HEXB: variants seen among roughly 807,000 people sequenced by gnomAD.
HEXB encodes hexosaminidase subunit beta.
A neutral mutation model predicts 71.2 loss-of-function variants in HEXB; 51 were observed. The observed-to-expected ratio is 0.72, with a 90% confidence interval of 0.57 to 0.90. HEXB has a LOEUF of 0.90. Among genes scored for constraint, HEXB ranks in the 40% least tolerant of loss-of-function variants. The pLI is 0.00. For synonymous variants in HEXB, 266 were observed against 249.3 expected, an observed-to-expected ratio of 1.07 and a Z score of -0.63; for missense variants, 617 against 677.0, an observed-to-expected ratio of 0.91 and a Z score of 0.98.
At position 74,685,475 on chromosome 5, in the gene HEXB, T is replaced by C. The variant is rs756380511; in HGVS notation, c.215T>C (p.Leu72Pro). 4 of 1,611,284 alleles carry C rather than the reference T, an allele frequency of 2.5e-6. No individual in the cohort carries two copies. Among genetic ancestry groups the C allele is most frequent in the Non-Finnish European group, 3.4e-6 (4 of 1,179,016 alleles). ...AAGATGACCCCGAACCTGCTGCATC[T>C]CGCCCCGGAGAACTTCTACATCAGC... is the stretch of plus-strand genomic sequence containing the variant. The part of the protein sequence containing the change: ...LVKMTPNLLH[L>P]APENFYISHS... The change falls in exon 1 of 14, where the codon CTC becomes CCC. Residue 72 changes from leucine to proline, a missense_variant. Transcript: ENST00000261416.
chr5:74,674,521 G>A (rs988536979), intron 1 of HEXB, among the ~76,000 whole-genome samples: 5 of 150,628 alleles, frequency 3.3e-5, no homozygotes, highest in Admixed American at 6.6e-5. Flanking sequence ...GGAGAATGGC[G>A]TGAACCCGGG....
At chr5:74,643,593 A>G (rs1407931968) in intron 1 of HEXB, among the ~76,000 whole-genome samples, 1 of 152,206 alleles carries the variant, frequency 6.6e-6, no homozygotes, top group Non-Finnish European at 1.5e-5. Flanking sequence ...GCTGTGCCCA[A>G]GGCTTTGGGC....
At chr5:74,654,786 C>T (rs1257531728) in intron 1 of HEXB, among the ~76,000 whole-genome samples, 5 of 152,042 alleles carry the variant, frequency 3.3e-5, no homozygotes, top group Non-Finnish European at 7.4e-5. Flanking sequence ...GTGGGGAGTG[C>T]GCTAGAGGGG....
chr5:74,702,716 C>T (rs1749292268), intron 5 of HEXB, among the ~76,000 whole-genome samples: 1 of 152,198 alleles, frequency 6.6e-6, no homozygotes, highest in African/African-American at 2.4e-5. Flanking sequence ...CTTCATCCAG[C>T]GTTCACTCAC....
chr5:74,678,092 T>C (rs922099923), intron 1 of HEXB, among the ~76,000 whole-genome samples: 1 of 151,810 alleles, frequency 6.6e-6, no homozygotes, highest in African/African-American at 2.4e-5. Flanking sequence ...AGGTCAGGAG[T>C]TCGAGACCAG....
chr5:74,678,891 G>T (rs1748684557), intron 1 of HEXB, among the ~76,000 whole-genome samples: 1 of 152,156 alleles, frequency 6.6e-6, no homozygotes, highest in Non-Finnish European at 1.5e-5. Context: ...AAGGTTCTTA[G>T]TAGAAGTTAT....
upstream of HEXB, among the ~76,000 whole-genome samples, chr5:74,683,843 G>T (rs1748785752): frequency 6.8e-6 from 1 of 146,448 alleles, no homozygotes; most frequent in Non-Finnish European, 1.5e-5. Flanking sequence ...TTTTTAAGAT[G>T]GAGTCTTGTT....
intron 1 of HEXB, among the ~76,000 whole-genome samples, chr5:74,655,312 CTTTTT>C (rs386404134): frequency 1.2e-4 from 15 of 125,114 alleles, no homozygotes; most frequent in Non-Finnish European, 1.1e-4. Flanking sequence ...AAGCATTAAA[CTTTTT>C]TTTTTTTTTT....
chr5:74,668,952 AT>A (rs1028016683), intron 1 of HEXB, among the ~76,000 whole-genome samples: 1 of 151,932 alleles, frequency 6.6e-6, no homozygotes, highest in African/African-American at 2.4e-5. Context: ...TTGTGCGGGC[AT>A]TTTTTTCTTT....
At chr5:74,720,054 C>T (rs1694869004) in intron 11 of HEXB, 1 of 229,928 alleles carries the variant, frequency 4.3e-6, no homozygotes, top group African/African-American at 2.3e-5. Context: ...AGTATTCCAA[C>T]TTCTATTCCC....
chr5:74,676,258 T>C (rs185100562), intron 1 of HEXB, among the ~76,000 whole-genome samples: 5 of 152,334 alleles, frequency 3.3e-5, no homozygotes, highest in African/African-American at 4.8e-5. Context: ...CCCAGGAGCA[T>C]AGATTCAAAT....
chr5:74,687,945 A>G (rs868288298), intron 1 of HEXB, among the ~76,000 whole-genome samples: 2 of 152,230 alleles, frequency 1.3e-5, no homozygotes, highest in Non-Finnish European at 2.9e-5. Context: ...CTTCTGGCTT[A>G]CCAAAATCTG....
Position 74,720,719 on chromosome 5 carries a change from C to T in HEXB, c.1585C>T (p.Leu529=). Residue 529 remains leucine, a synonymous_variant, in exon 13 of 14, where the codon CTG becomes TTG. Coordinates refer to ENST00000261416, the MANE Select transcript of HEXB (RefSeq NM_000521.4). ...VRDMDDAYDR[L]TRHRCRMVER... ...AGATATGGATGACGCCTATGACAGA[C>T]TGACAAGGCACCGCTGCAGGATGGT... 6.2e-7 allele frequency: 1 copy of T among 1,613,966 alleles called. No individual in the cohort carries two copies. Among genetic ancestry groups the T allele is most frequent in the Non-Finnish European group, 8.5e-7 (1 of 1,179,820 alleles).
intron 5 of HEXB, among the ~76,000 whole-genome samples, chr5:74,700,812 A>T (rs950431664): frequency 1.3e-5 from 2 of 151,954 alleles, no homozygotes; most frequent in African/African-American, 4.8e-5. Flanking sequence ...GATTCAAGTG[A>T]TTCTTCTGCC....
At chr5:74,710,684 A>G (rs1749517776) in intron 6 of HEXB, among the ~76,000 whole-genome samples, 4 of 152,282 alleles carry the variant, frequency 2.6e-5, no homozygotes, top group East Asian at 1.9e-4. Context: ...CCCATTCACA[A>G]TTGCTTCAAA....
chr5:74,721,255 C>CTGTT lies in HEXB; in HGVS notation c.*82_*85dup, dbSNP rs1354475168. 6 of 1,122,640 alleles carry CTGTT rather than the reference C, an allele frequency of 5.3e-6. No homozygotes were observed. The highest frequency in any genetic ancestry group is 2.4e-5 in the East Asian group (1 of 40,942). 69.5% of individuals were successfully genotyped at this position (1,122,640 alleles called of 1,614,324 possible). On this transcript the variant is annotated 3_prime_UTR_variant, in exon 14 of 14. Transcript: ENST00000261416. The stretch of plus-strand genomic sequence containing the variant: ...AAATCATGTAAAATAAGATATTAGA[C>CTGTT]TGTTTTTTGAATAAAATATTTTTAT...
Position 74,652,559 on chromosome 5 carries a change from T to C in HEXB, c.-377+12001T>C, listed in dbSNP as rs920515068. On this transcript the variant is annotated intron_variant, in intron 1 of 13. Coordinates refer to the HEXB transcript ENST00000511181. This position sits in a 1 kb window ranked among gnomAD's most constrained non-coding sequence, Gnocchi z 5.4. ...CAAACAGACCATAAGAAAATGTAAC[T>C]TAATTTTTCTAGAACAGAACTTTTT... is the stretch of plus-strand genomic sequence containing the variant. 5.9e-5 allele frequency among the ~76,000 whole-genome samples: 9 copies of C among 152,228 alleles called. No individual in the cohort carries two copies. Among genetic ancestry groups the C allele is most frequent in the Non-Finnish European group, 1.0e-4 (7 of 68,040 alleles).
chr5:74,693,442 G>C (rs1258456480), intron 2 of HEXB, 197 bp from the exon 3 acceptor site: 5 of 643,570 alleles, frequency 7.8e-6, no homozygotes, highest in Admixed American at 2.1e-5. Flanking sequence ...GGAGGGAAGA[G>C]TTCTGTTGGG....
At chr5:74,717,253 C>T (rs925003279) in intron 9 of HEXB, among the ~76,000 whole-genome samples, 4 of 152,106 alleles carry the variant, frequency 2.6e-5, no homozygotes, top group Admixed American at 2.6e-4. Context: ...GAAGTCTTCA[C>T]TACCATCCAG....
Sources: gnomAD v4.1 joint callset for allele counts (sites outside exome capture counted in the v4.1 genomes callset) on GRCh38, gnomAD v4.1.1 for gene constraint, Gnocchi (gnomAD v3.1) non-coding constraint, MANE v1.5 for transcripts, NCBI Gene and HGNC (gene_info 2026-07-23, HGNC 2026-07-21) for gene names.